The following DLGAP2 variants were observed in gnomAD, a reference collection of about 807,000 sequenced individuals.
DLGAP2 encodes disks large-associated protein 2.
Under a neutral mutation model 100.3 loss-of-function variants are expected in DLGAP2, and 26 were observed. The ratio of observed to expected loss-of-function variants is 0.26; its 90% CI spans 0.19 to 0.36. The LOEUF (loss-of-function observed/expected upper bound fraction) is 0.36. DLGAP2 is among the 10% of genes least tolerant of loss of function. The probability of loss-of-function intolerance (pLI) is 1.00; values close to 1 mark genes in which losing one functional copy is unlikely to be tolerated. For synonymous variants in DLGAP2, 886 were observed against 630.1 expected (o/e 1.41, Z -6.08); for missense variants, 1,858 against 1,453.2 (o/e 1.28, Z -4.53).
chr8:778,862 G>C (rs1585853615), intron 1 of DLGAP2, among the ~76,000 whole-genome samples: 1 of 152,252 alleles, frequency 6.6e-6, no homozygotes, highest in East Asian at 1.9e-4. Context: ...GCTGTGGTGG[G>C]CTCCACCCAG....
chr8:1,422,064 C>T (rs1157541849), intron 3 of DLGAP2, among the ~76,000 whole-genome samples: 1 of 152,132 alleles, frequency 6.6e-6, no homozygotes, highest in Non-Finnish European at 1.5e-5. Flanking sequence ...CGCTAGGCAC[C>T]GAGGGCGAGG....
chr8:1,425,717 G>C (rs1797220276), intron 3 of DLGAP2, among the ~76,000 whole-genome samples: 1 of 152,236 alleles, frequency 6.6e-6, no homozygotes, highest in East Asian at 1.9e-4. Flanking sequence ...TGGCCCCTGT[G>C]GGCTCATGAA....
intron 2 of DLGAP2, among the ~76,000 whole-genome samples, chr8:977,747 G>T (rs867966263): frequency 0.021 from 2,907 of 135,420 alleles, 152 homozygotes; most frequent in African/African-American, 0.079. Flanking sequence ...TGCAGTGAGG[G>T]GCTGGGTTCT....
intron 2 of DLGAP2, among the ~76,000 whole-genome samples, chr8:1,079,784 C>T (rs1421027909): frequency 6.6e-6 from 1 of 152,198 alleles, no homozygotes; most frequent in Admixed American, 6.5e-5. Context: ...AAGATGAGCC[C>T]AGAGCAATGG....
intron 3 of DLGAP2, among the ~76,000 whole-genome samples, chr8:1,315,619 G>T (rs1268567072): frequency 5.8e-5 from 8 of 138,712 alleles, no homozygotes; most frequent in Admixed American, 2.9e-4. Flanking sequence ...GAGAAACTCG[G>T]CAGCTTTTAA....
intron 2 of DLGAP2, among the ~76,000 whole-genome samples, chr8:1,052,203 C>A (rs573158172): frequency 6.6e-6 from 1 of 152,162 alleles, no homozygotes; most frequent in Admixed American, 6.5e-5. Context: ...TCTGACCACC[C>A]CTTCCCCCCA....
intron 5 of DLGAP2, among the ~76,000 whole-genome samples, chr8:1,555,928 CAG>C (rs1362613349): frequency 6.6e-6 from 1 of 152,186 alleles, no homozygotes; most frequent in Non-Finnish European, 1.5e-5. Flanking sequence ...AGATTCAAGA[CAG>C]TGTTCCGAAA....
intron 3 of DLGAP2, among the ~76,000 whole-genome samples, chr8:1,388,257 TGGATGAGGAG>T: frequency 8.7e-6 from 1 of 115,244 alleles, no homozygotes; most frequent in African/African-American, 3.5e-5. Context: ...GCAGAGGCCG[TGGATGAGGAG>T]GCGCTGGTTC....
At chr8:1,664,719 G>C (rs778259013) in intron 8 of DLGAP2, among the ~76,000 whole-genome samples, 1 of 152,138 alleles carries the variant, frequency 6.6e-6, no homozygotes, top group Non-Finnish European at 1.5e-5. Context: ...TGCTGATAAC[G>C]GTGAAAAACA....
chr8:1,310,910 G>T (rs1258437801), intron 3 of DLGAP2, among the ~76,000 whole-genome samples: 1 of 152,046 alleles, frequency 6.6e-6, no homozygotes, highest in Non-Finnish European at 1.5e-5. Flanking sequence ...AGAATCAGAA[G>T]AAAGCTATCA....
chr8:1,343,402 G>T (rs1801464570), intron 3 of DLGAP2, among the ~76,000 whole-genome samples: 1 of 152,110 alleles, frequency 6.6e-6, no homozygotes, highest in Non-Finnish European at 1.5e-5. Flanking sequence ...GTGTCCTGGG[G>T]TTTTCTTGGG....
At chr8:1,583,009 C>T (rs573699243) in intron 6 of DLGAP2, among the ~76,000 whole-genome samples, 5 of 152,254 alleles carry the variant, frequency 3.3e-5, no homozygotes, top group African/African-American at 1.2e-4. Flanking sequence ...GAAAGTGAGA[C>T]GCACTGACCC....
chr8:1,458,108 A>G (rs1398050187), intron 3 of DLGAP2, among the ~76,000 whole-genome samples: 1 of 150,130 alleles, frequency 6.7e-6, no homozygotes, highest in East Asian at 2.0e-4. Flanking sequence ...GGGTTTCACC[A>G]TGTTGGCCAG....
At chr8:1,286,528 A>G (rs2116959204) in intron 3 of DLGAP2, among the ~76,000 whole-genome samples, 1 of 152,214 alleles carries the variant, frequency 6.6e-6, no homozygotes, top group South Asian at 2.1e-4. Context: ...TAAATGGAGG[A>G]CCGAGGCCTG....
chr8:1,624,869 G>GTCTCTCTT (rs1797451566), intron 6 of DLGAP2, among the ~76,000 whole-genome samples: 1 of 149,668 alleles, frequency 6.7e-6, no homozygotes, highest in Admixed American at 6.7e-5. Flanking sequence ...CTCTCTCTCT[G>GTCTCTCTT]TCTCTCTCTC....
At position 1,626,790 on chromosome 8, in the gene DLGAP2, A is replaced by G; in HGVS notation, c.1493A>G (p.Asp498Gly). The change falls in exon 7 of 15, where the codon GAC (aspartate) becomes GGC (glycine). Residue 498 changes from aspartate (D) to glycine (G), a missense_variant. Coordinates refer to ENST00000637795, the MANE Select transcript of DLGAP2 (RefSeq NM_001346810.2). ...ASDVPVGHSL[D>G]PAANYNSPKF... ...GATGTGCCTGTGGGACACAGCCTGG[A>G]CCCCGCTGCGAACTACAACTCCCCG... 1 of 1,603,614 alleles carries G rather than the reference A, an allele frequency of 6.2e-7. No individual in the cohort carries two copies. Among genetic ancestry groups the G allele is most frequent in the Non-Finnish European group, 8.5e-7 (1 of 1,175,534 alleles).
At chr8:1,668,305 A>T in intron 8 of DLGAP2, 24 bp from the exon 9 acceptor site, 2 of 1,460,546 alleles carry the variant, frequency 1.4e-6, no homozygotes, top group Non-Finnish European at 1.8e-6. Context: ...ACGCCTGTTG[A>T]CTTGGGACTT....
At chr8:1,067,655 A>G (rs910427517) in intron 2 of DLGAP2, among the ~76,000 whole-genome samples, 3 of 146,860 alleles carry the variant, frequency 2.0e-5, no homozygotes, top group African/African-American at 7.7e-5. Context: ...GTGACTTAAT[A>G]TTTTTAGCAC....
chr8:1,066,760 A>G (rs1021866124), intron 2 of DLGAP2, among the ~76,000 whole-genome samples: 6 of 152,198 alleles, frequency 3.9e-5, no homozygotes, highest in Admixed American at 6.5e-5. Context: ...CACACGCGGC[A>G]CCTCCGTCCC....
Sources: gnomAD v4.1 joint callset for allele counts (sites outside exome capture counted in the v4.1 genomes callset) on GRCh38, gnomAD v4.1.1 for gene constraint, MANE v1.5 for transcripts, NCBI Gene and HGNC (gene_info 2026-07-23, HGNC 2026-07-21) for gene names.